IKBKB-DT: variants seen among roughly 807,000 people sequenced by gnomAD.
The protein encoded by IKBKB-DT is IKBKB divergent transcript.
At chr8:42,236,299 C>T (rs545419909) in intron 3 of IKBKB-DT, among the ~76,000 whole-genome samples, 1 of 152,082 alleles carries the variant, frequency 6.6e-6, no homozygotes, top group Non-Finnish European at 1.5e-5. Flanking sequence ...CTGTGCCTGG[C>T]TACTTCTTTT....
At chr8:42,245,561 T>A (rs1210281310) in intron 3 of IKBKB-DT, among the ~76,000 whole-genome samples, 2 of 152,100 alleles carry the variant, frequency 1.3e-5, no homozygotes, top group Non-Finnish European at 1.5e-5. Context: ...GCAGGTTCTG[T>A]CTGAACACAC....
intron 3 of IKBKB-DT, among the ~76,000 whole-genome samples, chr8:42,246,709 C>T (rs1003550743): frequency 7.2e-5 from 11 of 152,140 alleles, no homozygotes; most frequent in African/African-American, 2.4e-4. Flanking sequence ...GCTTTTCTAC[C>T]CTTTGACTAT....
intron 3 of IKBKB-DT, among the ~76,000 whole-genome samples, chr8:42,246,488 A>C (rs980905349): frequency 1.3e-5 from 2 of 152,176 alleles, no homozygotes; most frequent in African/African-American, 4.8e-5. Context: ...AAAATATCAA[A>C]ATGGGAAAGA....
chr8:42,246,702 T>C (rs560129671), intron 3 of IKBKB-DT, among the ~76,000 whole-genome samples: 4 of 152,184 alleles, frequency 2.6e-5, no homozygotes, highest in Non-Finnish European at 5.9e-5. Context: ...TTAAGCAGCT[T>C]TTCTACCCTT....
At chr8:42,253,569 C>T (rs1177136403) in intron 3 of IKBKB-DT, among the ~76,000 whole-genome samples, 1 of 152,132 alleles carries the variant, frequency 6.6e-6, no homozygotes, top group Non-Finnish European at 1.5e-5. Context: ...AATTGGGGAT[C>T]CAGTCCAGTT....
At chr8:42,269,217 G>T (rs965857702) in intron 1 of IKBKB-DT, among the ~76,000 whole-genome samples, 1 of 151,208 alleles carries the variant, frequency 6.6e-6, no homozygotes, top group African/African-American at 2.4e-5. Flanking sequence ...CTAGTGGGGA[G>T]GCTGAGGCGG....
rs181945816 is a variant in IKBKB-DT at position 42,239,526 on chromosome 8, G to A, written n.1530-5667C>T. Among the ~76,000 whole-genome samples the A allele has an allele frequency of 1.6e-4, 24 of 147,752 alleles. No homozygotes were observed. In the Admixed American group the frequency reaches 1.6e-3, roughly 10 times the overall value. ...AAAATTGACAAATTACCAATTTGAG[G>A]CCCAACAACAGTGTATTTGTTTCTC... On this transcript the variant is annotated intron_variant and non_coding_transcript_variant, in intron 3 of 3. Transcript: ENST00000518213.
At chr8:42,252,201 G>A (rs1198247104) in intron 3 of IKBKB-DT, among the ~76,000 whole-genome samples, 1 of 152,238 alleles carries the variant, frequency 6.6e-6, no homozygotes, top group Non-Finnish European at 1.5e-5. Context: ...GGGATGGCCA[G>A]CTTCTTCGCA....
At chr8:42,234,570 C>A (rs1806893764) in intron 3 of IKBKB-DT, among the ~76,000 whole-genome samples, 1 of 152,126 alleles carries the variant, frequency 6.6e-6, no homozygotes, top group Non-Finnish European at 1.5e-5. Context: ...GCTGTCTGGG[C>A]ATGGACCAAG....
rs2129937677 is a variant in IKBKB-DT at position 42,266,980 on chromosome 8, T to C, written n.604-584A>G. ...TAGCCGTTCTGTTATTCCTTTACCT[T>C]CTTTTTTTGTTTGTTTTTTTTTTGT... On this transcript the variant is annotated intron_variant and non_coding_transcript_variant, in intron 1 of 3. Transcript: ENST00000518213. 2.0e-5 allele frequency among the ~76,000 whole-genome samples: 3 copies of C among 151,424 alleles called. No individual in the cohort carries two copies. The South Asian group carries it at 6.2e-4, about 32-fold the overall frequency.
At chr8:42,263,774 G>A (rs1458925723) in intron 2 of IKBKB-DT, among the ~76,000 whole-genome samples, 1 of 152,170 alleles carries the variant, frequency 6.6e-6, no homozygotes, top group Non-Finnish European at 1.5e-5. Context: ...TCTTTTCCTG[G>A]TATAGGGACA....
At chr8:42,250,619 G>T (rs1163446285) in intron 3 of IKBKB-DT, among the ~76,000 whole-genome samples, 1 of 152,226 alleles carries the variant, frequency 6.6e-6, no homozygotes, top group African/African-American at 2.4e-5. Flanking sequence ...CAGCCAGAAG[G>T]CCAAAGACAG....
chr8:42,248,042 G>C (rs770550191), intron 3 of IKBKB-DT, among the ~76,000 whole-genome samples: 28 of 150,896 alleles, frequency 1.9e-4, no homozygotes, highest in Non-Finnish European at 3.7e-4. Flanking sequence ...GTAGTGAGCT[G>C]AGATCTCACC....
At chr8:42,248,555 T>G (rs1041834447) in intron 3 of IKBKB-DT, among the ~76,000 whole-genome samples, 2 of 152,222 alleles carry the variant, frequency 1.3e-5, no homozygotes, top group Admixed American at 1.3e-4. Context: ...TAATGCAATT[T>G]GACTTTAATT....
At chr8:42,248,287 C>T (rs1807087317) in intron 3 of IKBKB-DT, among the ~76,000 whole-genome samples, 2 of 152,106 alleles carry the variant, frequency 1.3e-5, no homozygotes, top group East Asian at 1.9e-4. Flanking sequence ...CCACCACTCA[C>T]CTCCTGGTGT....
intron 3 of IKBKB-DT, among the ~76,000 whole-genome samples, chr8:42,239,656 T>C (rs112031022): frequency 0.037 from 1,131 of 30,954 alleles, 25 homozygotes; most frequent in African/African-American, 0.073. Context: ...ATTCATTTTT[T>C]TTTTTTGAGA....
At chr8:42,239,632 A>ATATATATT (rs1287944961) in intron 3 of IKBKB-DT, among the ~76,000 whole-genome samples, 4 of 86,970 alleles carry the variant, frequency 4.6e-5, no homozygotes, top group African/African-American at 1.7e-4. Context: ...ATATATATAT[A>ATATATATT]TATTTATTTA....
At chr8:42,246,392 T>A (rs766748324) in intron 3 of IKBKB-DT, among the ~76,000 whole-genome samples, 3 of 152,248 alleles carry the variant, frequency 2.0e-5, no homozygotes, top group Non-Finnish European at 2.9e-5. Context: ...TCTCTGTGAG[T>A]GACTTTGTCA....
intron 1 of IKBKB-DT, among the ~76,000 whole-genome samples, chr8:42,269,539 AAAAG>A (rs1332324158): frequency 7.6e-6 from 1 of 131,886 alleles, no homozygotes; most frequent in Non-Finnish European, 1.6e-5. Context: ...GAAAAGAAGG[AAAAG>A]AAAGAAACCA....
Sources: allele counts gnomAD v4.1 joint callset (sites outside exome capture counted in the v4.1 genomes callset), GRCh38; gene constraint gnomAD v4.1.1; transcripts MANE v1.5; gene names NCBI Gene and HGNC (gene_info 2026-07-23, HGNC 2026-07-21).